The following RHD variants were observed in gnomAD, a reference collection of about 807,000 sequenced individuals.
RHD encodes the protein Rh blood group D antigen.
A neutral mutation model predicts 45.5 loss-of-function variants in RHD; 16 were observed. The ratio of observed to expected loss-of-function variants is 0.35; its 90% confidence interval spans 0.24 to 0.53. RHD has a LOEUF of 0.53. RHD is among the 20% of genes least tolerant of loss of function. The pLI is 0.92. For missense variants in RHD, 306 were observed against 532.0 expected (o/e 0.58, Z 4.18); for synonymous variants, 131 against 217.5 (o/e 0.60, Z 3.50).
At position 25,304,595 on chromosome 1, in the gene RHD, C is replaced by T. The variant is rs1207992536; in HGVS notation, c.939+1136C>T. 2 of 121,626 alleles carry T rather than the reference C, an allele frequency of 1.6e-5. 1 individual carries two copies. The highest frequency in any genetic ancestry group is 3.8e-5 in the Non-Finnish European group (2 of 52,778). The allele number at this position is 121,626 out of a possible 1,614,324, so 7.5% of individuals were successfully genotyped here. ...CCTGGGCGACAGAACAAGACTCTGTCTTAAAAAAAAAAAAAGTGGTTTATA... is the reference window on the plus strand; with the variant it reads ...CCTGGGCGACAGAACAAGACTCTGTTTTAAAAAAAAAAAAAGTGGTTTATA... On this transcript the variant is annotated intron_variant, in intron 6 of 9. Transcript: ENST00000328664.
rs555343613 is a variant in RHD at position 25,307,847 on chromosome 1, G to A, written c.1073+1118G>A. ...ACATCCTTGCTTGGGATGAGGAGGGGATGAGCTGTGTGAAGCAAGGCGCCT... is the reference window on the plus strand; with the variant it reads ...ACATCCTTGCTTGGGATGAGGAGGGAATGAGCTGTGTGAAGCAAGGCGCCT... On this transcript the variant is annotated intron_variant, in intron 7 of 9. Coordinates refer to ENST00000328664, the MANE Select transcript of RHD (RefSeq NM_016124.6). The A allele has an allele frequency of 8.9e-5, 115 of 1,295,912 alleles. 16 individuals are homozygous for A. The African/African-American group carries it at 1.6e-3, about 18-fold the overall frequency. The allele number at this position is 1,295,912 out of a possible 1,614,324, so 80.3% of individuals were successfully genotyped here.
In RHD at chr1:25,294,064, G is replaced by A. The variant is rs577444168; in HGVS notation, c.486+3273G>A. The A allele has an allele frequency of 1.8e-4, 122 of 686,588 alleles. 29 individuals are homozygous for A. Among genetic ancestry groups the A allele is most frequent in the Non-Finnish European group, 3.0e-4 (112 of 372,884 alleles). 42.5% of individuals were successfully genotyped at this position (686,588 alleles called of 1,614,324 possible). The stretch of plus-strand genomic sequence containing the variant: ...TAAGAGAAGAAGGCTGTCCACCAAT[G>A]GGCTTATCTGTTATTTCTTCCTTAT... On this transcript the variant is annotated intron_variant, in intron 3 of 9. Transcript: ENST00000328664.
intron 1 of RHD, 80 bp from the exon 2 acceptor site, chr1:25,284,493 T>G: frequency 8.0e-7 from 1 of 1,244,138 alleles, no homozygotes; most frequent in South Asian, 1.2e-5. Context: ...CAGCTGCCAT[T>G]TAGTAAGACT....
intron 7 of RHD, among the ~76,000 whole-genome samples, chr1:25,314,418 C>T (rs1347361559): frequency 7.5e-6 from 1 of 132,618 alleles, no homozygotes; most frequent in Admixed American, 7.3e-5. Context: ...TTGTGGTGTT[C>T]TGTCTTTTTC....
In RHD at chr1:25,285,025, C is replaced by T. The variant is rs1041066548; in HGVS notation, c.335+266C>T. Among the ~76,000 whole-genome samples the T allele has an allele frequency of 6.7e-5, 9 of 134,492 alleles. No individual in the cohort carries two copies. In the East Asian group the frequency reaches 7.7e-4, roughly 12 times the overall value. The allele number at this position is 134,492 out of a possible 152,430, so 88.2% of individuals were successfully genotyped here. A position where few individuals can be genotyped will look rare whatever the true frequency, so the allele number is the denominator to read the frequency against. ...TGCATCCTTTCTTTCCTGTTATTGT[C>T]GATTATGATTTTGTAAAGTTACATA... On this transcript the variant is annotated intron_variant, in intron 2 of 9. Coordinates refer to ENST00000328664, the MANE Select transcript of RHD (RefSeq NM_016124.6).
intron 3 of RHD, among the ~76,000 whole-genome samples, chr1:25,291,139 G>A (rs891491404): frequency 7.8e-6 from 1 of 127,416 alleles, no homozygotes; most frequent in African/African-American, 2.8e-5. Flanking sequence ...TAAATAGGTA[G>A]GTGGATAGAC....
In RHD at chr1:25,321,290, C is replaced by T. The variant is rs1277165454; in HGVS notation, c.1154-599C>T. 1.3e-4 allele frequency among the ~76,000 whole-genome samples: 16 copies of T among 121,776 alleles called. 1 individual carries two copies. Among genetic ancestry groups the T allele is most frequent in the African/African-American group, 3.0e-4 (11 of 36,164 alleles). The allele number at this position is 121,776 out of a possible 152,430, so 79.9% of individuals were successfully genotyped here. A position where few individuals can be genotyped will look rare whatever the true frequency, so the allele number is the denominator to read the frequency against. On this transcript the variant is annotated intron_variant, in intron 8 of 9. Transcript: ENST00000328664. Reference sequence around the variant, plus strand: ...CCCTTTTACTCCATCTGGGGAAGGGCGTCAGATCTGTGGCTCTCATGTACT... The same window carrying T: ...CCCTTTTACTCCATCTGGGGAAGGGTGTCAGATCTGTGGCTCTCATGTACT...
chr1:25,284,589 C>G lies in RHD; in HGVS notation c.165C>G (p.Thr55=). 1 of 1,389,306 alleles carries G rather than the reference C, an allele frequency of 7.2e-7. No homozygotes were observed. Among genetic ancestry groups the G allele is most frequent in the South Asian group, 1.2e-5 (1 of 85,502 alleles). 86.1% of individuals were successfully genotyped at this position (1,389,306 alleles called of 1,614,324 possible). A position where few individuals can be genotyped will look rare whatever the true frequency, so the allele number is the denominator to read the frequency against. The change falls in exon 2 of 10, where the codon ACC becomes ACG. Residue 55 remains threonine (T), a synonymous_variant. Transcript: ENST00000328664. The part of the protein sequence containing the change: ...VASYQVGQDL[T]VMAAIGLGFL... ...ACCGAGCAGTTGGCCAAGATCTGAC[C>G]GTGATGGCGGCCATTGGCTTGGGCT... is the stretch of plus-strand genomic sequence containing the variant.
At position 25,312,981 on chromosome 1, in the gene RHD, G is replaced by A. The variant is rs1229605247; in HGVS notation, c.1074-4019G>A. 2.1e-5 allele frequency among the ~76,000 whole-genome samples: 2 copies of A among 95,542 alleles called. 1 individual carries two copies. Among genetic ancestry groups the A allele is most frequent in the Non-Finnish European group, 4.6e-5 (2 of 43,178 alleles). 62.7% of individuals were successfully genotyped at this position (95,542 alleles called of 152,430 possible). A position where few individuals can be genotyped will look rare whatever the true frequency, so the allele number is the denominator to read the frequency against. On this transcript the variant is annotated intron_variant, in intron 7 of 9. Coordinates refer to ENST00000328664, the MANE Select transcript of RHD (RefSeq NM_016124.6). The stretch of plus-strand genomic sequence containing the variant: ...CTTTAGTGCTATTGGAATGAATTTT[G>A]CATGTAAGAAGGACATGCATTTTGG...
intron 6 of RHD, among the ~76,000 whole-genome samples, chr1:25,305,857 C>T (rs1643782321): frequency 1.5e-5 from 2 of 131,232 alleles, no homozygotes; most frequent in African/African-American, 5.3e-5. Context: ...CCATGTCGGC[C>T]TCCCAAAGTG....
intron 1 of RHD, among the ~76,000 whole-genome samples, chr1:25,275,578 A>G (rs1640895760): frequency 1.5e-5 from 2 of 132,640 alleles, no homozygotes; most frequent in South Asian, 4.6e-4. Flanking sequence ...ATGGTTATAT[A>G]TTACACTTTA....
At chr1:25,300,630 T>G (rs28572396) in intron 3 of RHD, among the ~76,000 whole-genome samples, 1,793 of 129,374 alleles carry the variant, frequency 0.014, 297 homozygotes, top group African/African-American at 0.043. Flanking sequence ...GCAAACACGG[T>G]GAAACCCCAT....
chr1:25,312,955 ACT>A (rs1355947372), intron 7 of RHD, among the ~76,000 whole-genome samples: 29 of 109,942 alleles, frequency 2.6e-4, no homozygotes, highest in East Asian at 8.4e-4. Context: ...AAAAAAAAAA[ACT>A]TTAGTGCTAT....
In RHD at chr1:25,312,793, A is replaced by G. The variant is rs1353708323; in HGVS notation, c.1074-4207A>G. ...AACTTAGCTGGATATGGTGGCACAC[A>G]TCTGTAGTCCTAGCTACTCAGGAGG... On this transcript the variant is annotated intron_variant, in intron 7 of 9. Coordinates refer to ENST00000328664, the MANE Select transcript of RHD (RefSeq NM_016124.6). 1.1e-4 allele frequency among the ~76,000 whole-genome samples: 13 copies of G among 120,362 alleles called. 2 individuals are homozygous for G. Among genetic ancestry groups the G allele is most frequent in the East Asian group, 1.0e-3 (5 of 5,008 alleles). 79.0% of individuals were successfully genotyped at this position (120,362 alleles called of 152,430 possible). A position where few individuals can be genotyped will look rare whatever the true frequency, so the allele number is the denominator to read the frequency against.
At chr1:25,300,535 C>T (rs576349731) in intron 3 of RHD, among the ~76,000 whole-genome samples, 4 of 126,408 alleles carry the variant, frequency 3.2e-5, no homozygotes, top group African/African-American at 5.5e-5. Flanking sequence ...AAAGGCCAGG[C>T]GCAGTGGCTC....
intron 1 of RHD, 55 bp from the exon 2 acceptor site, chr1:25,284,518 C>T (rs1307670565): frequency 2.2e-6 from 3 of 1,338,676 alleles, no homozygotes; most frequent in East Asian, 2.2e-5. Context: ...TTTCATACCA[C>T]CCTAAATCTC....
Position 25,293,770 on chromosome 1 carries a change from T to A in RHD, c.486+2979T>A, listed in dbSNP as rs1029709821. 1.4e-4 allele frequency among the ~76,000 whole-genome samples: 18 copies of A among 132,344 alleles called. 1 individual carries two copies. The highest frequency in any genetic ancestry group is 4.7e-4 in the African/African-American group (18 of 38,650). 86.8% of individuals were successfully genotyped at this position (132,344 alleles called of 152,430 possible). On this transcript the variant is annotated intron_variant, in intron 3 of 9. Coordinates refer to ENST00000328664, the MANE Select transcript of RHD (RefSeq NM_016124.6). The stretch of plus-strand genomic sequence containing the variant: ...TTCTGCAAAGTTTTTATTCATGAAT[T>A]AAGAGTATTTCCCTTTGTCCATTAT...
chr1:25,286,757 G>T (rs1642044650), intron 2 of RHD, among the ~76,000 whole-genome samples: 1 of 132,236 alleles, frequency 7.6e-6, no homozygotes, highest in Non-Finnish European at 1.8e-5. Flanking sequence ...CTGCACTCCA[G>T]CCTGGGTGAC....
chr1:25,295,524 G>A (rs1280813074), intron 3 of RHD, among the ~76,000 whole-genome samples: 4 of 101,724 alleles, frequency 3.9e-5, no homozygotes, highest in African/African-American at 6.7e-5. Flanking sequence ...TATCAGGTGC[G>A]ATGCTTGAAA....
Sources: gnomAD v4.1 joint callset for allele counts (sites outside exome capture counted in the v4.1 genomes callset) on GRCh38, gnomAD v4.1.1 for gene constraint, MANE v1.5 for transcripts, NCBI Gene and HGNC (gene_info 2026-07-23, HGNC 2026-07-21) for gene names.